The following ZNF708 variants were observed in gnomAD, a reference collection of about 807,000 sequenced individuals.
The protein encoded by ZNF708 is zinc finger protein 708.
ZNF708 carries 44 observed loss-of-function variants against 47.0 expected under a neutral mutation model. The observed-to-expected ratio is 0.94, with a 90% confidence interval of 0.74 to 1.20. The LOEUF is 1.20. ZNF708 is among the 50% of genes most tolerant of loss of function. The pLI is 0.00. For synonymous variants in ZNF708, 184 were observed against 218.5 expected, an observed-to-expected ratio of 0.84 and a Z score of 1.39; for missense variants, 557 against 656.0, an observed-to-expected ratio of 0.85 and a Z score of 1.65.
chr19:21,310,456 T>TA (rs758682909), intron 2 of ZNF708, 45 bp downstream of exon 2: 24 of 879,582 alleles, frequency 2.7e-5, no homozygotes, highest in Non-Finnish European at 3.2e-5. Context: ...AAAAAAAAAA[T>TA]AATAATAAAT....
chr19:21,293,468 C>G lies in ZNF708; in HGVS notation c.1498G>C (p.Gly500Arg). The change falls in exon 4 of 4, where the codon GGA (glycine) becomes CGA (arginine). Residue 500 changes from glycine (G) to arginine (R), a missense_variant. Transcript: ENST00000356929. Reference protein sequence around the residue: ...HLTTHKIIHTGEKPYKCKECG... With the variant: ...HLTTHKIIHTREKPYKCKECG... ...TCTTTACATTTGTAGGGTTTCTCTC[C>G]AGTATGAATTATCTTATGTGTAGTA... is the stretch of plus-strand genomic sequence containing the variant. 1 of 1,613,366 alleles carries G rather than the reference C, an allele frequency of 6.2e-7. No individual in the cohort carries two copies. Among genetic ancestry groups the G allele is most frequent in the Non-Finnish European group, 8.5e-7 (1 of 1,179,786 alleles).
rs1973254721 is a variant in ZNF708, at chr19:21,326,321, CATCA to C, written c.3+2885_3+2888del. Among the ~76,000 whole-genome samples, 4 of 152,312 alleles carry C rather than the reference CATCA, an allele frequency of 2.6e-5. No homozygotes were observed. In the South Asian group the frequency reaches 8.3e-4, roughly 32 times the overall value. On this transcript the variant is annotated intron_variant, in intron 1 of 3. Transcript: ENST00000356929. Reference sequence around the variant, plus strand: ...AAATCATGGAACCAACCCAAATCCTCATCAATCAATGAATGGATAAAGAAACTGT... The same window carrying C: ...AAATCATGGAACCAACCCAAATCCTCATCAATGAATGGATAAAGAAACTGT...
chr19:21,297,260 ATATATATATATTTTTTTTTTTTTTTTT>A (rs1320084828), intron 3 of ZNF708, among the ~76,000 whole-genome samples: 1 of 15,230 alleles, frequency 6.6e-5, no homozygotes, highest in African/African-American at 2.1e-4. Flanking sequence ...ATATATATAT[ATATATATATATTTTTTTTTTTTTTTTT>A]TTTTTTTTTT....
At chr19:21,305,258 C>G (rs1176515719) in intron 3 of ZNF708, among the ~76,000 whole-genome samples, 1 of 151,786 alleles carries the variant, frequency 6.6e-6, no homozygotes, top group Non-Finnish European at 1.5e-5. Context: ...ATTCGCTCAC[C>G]TCAGCCTCCC....
At chr19:21,319,751 T>G (rs530678912) in intron 1 of ZNF708, among the ~76,000 whole-genome samples, 1 of 152,272 alleles carries the variant, frequency 6.6e-6, no homozygotes, top group Admixed American at 6.5e-5. Flanking sequence ...AAACACCCAA[T>G]GAGATACCAT....
chr19:21,311,048 A>G (rs1484649109), intron 1 of ZNF708, among the ~76,000 whole-genome samples: 1 of 152,182 alleles, frequency 6.6e-6, no homozygotes, highest in African/African-American at 2.4e-5. Flanking sequence ...ATTTTTTCAG[A>G]AGATCTGGAA....
intron 1 of ZNF708, among the ~76,000 whole-genome samples, chr19:21,313,271 G>A (rs1292246749): frequency 4.1e-5 from 6 of 144,606 alleles, no homozygotes; most frequent in African/African-American, 5.1e-5. Flanking sequence ...CTGGGTGACA[G>A]AGCAAGACCC....
rs987997904 is a variant in ZNF708, at chr19:21,329,371, C to A, written c.-159G>T. ...AGCAAGAGACAAAGGCCGCGCCAAA[C>A]CCGGAAGCCGCCCTGTCCGGTCCAG... On this transcript the variant is annotated 5_prime_UTR_variant, in exon 1 of 4. Coordinates refer to ENST00000356929, the MANE Select transcript of ZNF708 (RefSeq NM_021269.3). The A allele has an allele frequency of 5.1e-6, 6 of 1,167,684 alleles. No homozygotes were observed. In the Admixed American group the frequency reaches 1.2e-4, roughly 23 times the overall value. 72.3% of individuals were successfully genotyped at this position (1,167,684 alleles called of 1,614,324 possible).
At chr19:21,299,764 C>T (rs1327504608) in intron 3 of ZNF708, among the ~76,000 whole-genome samples, 3 of 143,672 alleles carry the variant, frequency 2.1e-5, no homozygotes, top group Admixed American at 7.0e-5. Context: ...CACAGTGAGA[C>T]TCCATCTCAA....
chr19:21,310,866 T>C (rs181335823), intron 1 of ZNF708, among the ~76,000 whole-genome samples: 14 of 152,324 alleles, frequency 9.2e-5, no homozygotes, highest in Admixed American at 5.9e-4. Flanking sequence ...TTCTGAATGA[T>C]AAAGTATAAA....
chr19:21,324,635 G>A (rs1364018153), intron 1 of ZNF708, among the ~76,000 whole-genome samples: 2 of 152,024 alleles, frequency 1.3e-5, no homozygotes, highest in East Asian at 3.9e-4. Context: ...AAATTTTAGG[G>A]TGCTTATATT....
intron 1 of ZNF708, among the ~76,000 whole-genome samples, chr19:21,317,269 G>A (rs1411410820): frequency 1.3e-5 from 2 of 152,056 alleles, no homozygotes; most frequent in Non-Finnish European, 2.9e-5. Context: ...AATGCAGTGA[G>A]ACTCCATCTC....
Position 21,329,329 on chromosome 19 carries a change from A to C in ZNF708, c.-117T>G. On this transcript the variant is annotated 5_prime_UTR_variant, in exon 1 of 4. Coordinates refer to ENST00000356929, the MANE Select transcript of ZNF708 (RefSeq NM_021269.3). ...GAGGACAAACAGCAGTGAAGACGAG[A>C]CCGGAGCTCCGGCTGCAGCAAGAGA... 6.7e-7 allele frequency: 1 copy of C among 1,497,954 alleles called. No individual in the cohort carries two copies. The highest frequency in any genetic ancestry group is 9.2e-7 in the Non-Finnish European group (1 of 1,086,668). The allele number at this position is 1,497,954 out of a possible 1,614,324, so 92.8% of individuals were successfully genotyped here. A position where few individuals can be genotyped will look rare whatever the true frequency, so the allele number is the denominator to read the frequency against.
rs1972413753 is a variant in ZNF708 at position 21,292,383 on chromosome 19, G to A, written c.*891C>T. The A allele has an allele frequency of 6.6e-6, 1 of 152,098 alleles. No homozygotes were observed. The highest frequency in any genetic ancestry group is 1.5e-5 in the Non-Finnish European group (1 of 68,024). 9.4% of individuals were successfully genotyped at this position (152,098 alleles called of 1,614,324 possible). Reference sequence around the variant, plus strand: ...TCTGATATTTACATAGACTTATTTTGGATTAAATGTTTTAAATATATACTG... The same window carrying A: ...TCTGATATTTACATAGACTTATTTTAGATTAAATGTTTTAAATATATACTG... On this transcript the variant is annotated 3_prime_UTR_variant, in exon 4 of 4. Transcript: ENST00000356929.
Position 21,305,091 on chromosome 19 carries a change from A to G in ZNF708, c.226+4155T>C, listed in dbSNP as rs1012307374. Among the ~76,000 whole-genome samples, 5 of 149,424 alleles carry G rather than the reference A, an allele frequency of 3.3e-5. No homozygotes were observed. In the Admixed American group the frequency reaches 3.3e-4, roughly 10 times the overall value. Reference sequence around the variant, plus strand: ...AATAGTGTGATCTCGGCTCACTACAAACTCTGCCTCCAGGGTTCAAGCAAT... The same window carrying G: ...AATAGTGTGATCTCGGCTCACTACAGACTCTGCCTCCAGGGTTCAAGCAAT... On this transcript the variant is annotated intron_variant, in intron 3 of 3. Coordinates refer to ENST00000356929, the MANE Select transcript of ZNF708 (RefSeq NM_021269.3).
intron 3 of ZNF708, among the ~76,000 whole-genome samples, chr19:21,309,004 T>C (rs2997220): frequency 7.9e-5 from 12 of 152,302 alleles, no homozygotes; most frequent in African/African-American, 2.6e-4. Context: ...CAATCTCTTA[T>C]ATGCCATGAA....
chr19:21,299,772 CAAAAA>C (rs11311903), intron 3 of ZNF708, among the ~76,000 whole-genome samples: 2 of 110,268 alleles, frequency 1.8e-5, no homozygotes, highest in Admixed American at 9.9e-5. Flanking sequence ...GACTCCATCT[CAAAAA>C]AAAAAAAAAA....
intron 1 of ZNF708, among the ~76,000 whole-genome samples, chr19:21,321,184 A>G (rs1973127052): frequency 1.3e-5 from 2 of 152,170 alleles, no homozygotes; most frequent in Non-Finnish European, 2.9e-5. Flanking sequence ...ATGCAGAAAC[A>G]GAAAACCAAA....
chr19:21,299,776 A>C (rs191335194), intron 3 of ZNF708, among the ~76,000 whole-genome samples: 20,607 of 151,452 alleles, frequency 0.14, 1,774 homozygotes, highest in Non-Finnish European at 0.21. Flanking sequence ...CCATCTCAAA[A>C]AAAAAAAAAA....
Sources: gnomAD v4.1 joint callset for allele counts (sites outside exome capture counted in the v4.1 genomes callset) on GRCh38, gnomAD v4.1.1 for gene constraint, MANE v1.5 for transcripts, NCBI Gene and HGNC (gene_info 2026-07-23, HGNC 2026-07-21) for gene names.